MED12L: variants seen among roughly 807,000 people sequenced by gnomAD.
MED12L encodes the protein mediator of RNA polymerase II transcription subunit 12-like protein.
Under a neutral mutation model 281.3 loss-of-function variants are expected in MED12L, and 60 were observed. The observed-to-expected ratio is 0.21, with a 90% confidence interval of 0.17 to 0.26. The LOEUF (loss-of-function observed/expected upper bound fraction) is 0.26. Among genes scored for constraint, MED12L ranks in the 10% least tolerant of loss-of-function variants. The pLI, the probability that MED12L is intolerant of heterozygous loss-of-function variation, is 1.00. For synonymous variants in MED12L, 974 were observed against 987.2 expected (o/e 0.99, Z 0.25); for missense variants, 2,146 against 2,680.9 (o/e 0.80, Z 4.41).
At chr3:151,126,036 A>T (rs998874468) in intron 4 of MED12L, among the ~76,000 whole-genome samples, 1 of 147,884 alleles carries the variant, frequency 6.8e-6, no homozygotes, top group Non-Finnish European at 1.5e-5. Context: ...GTATGTGGAT[A>T]TACTGCATCC....
intron 17 of MED12L, 57 bp from the exon 18 acceptor site, chr3:151,355,064 A>C: frequency 7.7e-7 from 1 of 1,293,288 alleles, no homozygotes; most frequent in South Asian, 1.2e-5. Flanking sequence ...TATCCATTAA[A>C]AATGTCGAGA....
At chr3:151,168,293 A>G (rs1433232188) in intron 11 of MED12L, among the ~76,000 whole-genome samples, 1 of 152,206 alleles carries the variant, frequency 6.6e-6, no homozygotes, top group Non-Finnish European at 1.5e-5. Flanking sequence ...GTCTCTGGAA[A>G]TGAATGTAAT....
Position 151,377,031 on chromosome 3 carries a change from A to C in MED12L, c.4169A>C (p.Asn1390Thr). Residue 1390 changes from asparagine (N) to threonine (T), a missense_variant, in exon 30 of 45, where the codon AAT (asparagine) becomes ACT (threonine). Transcript: ENST00000687756. ...SVAEMNNLLD[N>T]IAKATIEVFQ... ...GCCGAAATGAACAACTTACTGGACA[A>C]TATTGCAAAGGCAACAATAGAGGTA... 3.1e-6 allele frequency: 5 copies of C among 1,614,106 alleles called. No homozygotes were observed. Among genetic ancestry groups the C allele is most frequent in the Non-Finnish European group, 4.2e-6 (5 of 1,179,958 alleles).
At chr3:151,166,684 T>C (rs1194760727) in intron 11 of MED12L, among the ~76,000 whole-genome samples, 2 of 151,820 alleles carry the variant, frequency 1.3e-5, no homozygotes, top group Non-Finnish European at 2.9e-5. Flanking sequence ...CAGTCTTTTT[T>C]TTTTTTTTAA....
At chr3:151,245,905 A>C (rs1322666582) in intron 16 of MED12L, among the ~76,000 whole-genome samples, 2 of 151,678 alleles carry the variant, frequency 1.3e-5, no homozygotes, top group Non-Finnish European at 2.9e-5. Flanking sequence ...TTAAGCTGAT[A>C]AGCAACTTCA....
At chr3:151,393,143 G>A (rs1043551366) in intron 38 of MED12L, among the ~76,000 whole-genome samples, 1 of 152,172 alleles carries the variant, frequency 6.6e-6, no homozygotes, top group Non-Finnish European at 1.5e-5. Context: ...TTGTGCCAAG[G>A]TTGAGGACAT....
rs369215302 is a variant in MED12L at position 151,377,934 on chromosome 3, G to A, written c.4317-78G>A. The A allele has an allele frequency of 1.4e-4, 190 of 1,378,876 alleles. No homozygotes were observed. The East Asian group carries it at 3.1e-3, about 23-fold the overall frequency. 85.4% of individuals were successfully genotyped at this position (1,378,876 alleles called of 1,614,324 possible). A position where few individuals can be genotyped will look rare whatever the true frequency, so the allele number is the denominator to read the frequency against. ...TGTGTGTCTCATACATCAAAGTTTC[G>A]CTTTGGAGTTTCTGTTATAACTGTG... On this transcript the variant is annotated intron_variant, in intron 30 of 44. Coordinates refer to ENST00000687756, the MANE Select transcript of MED12L (RefSeq NM_001393769.1).
chr3:151,168,561 AATT>A (rs796823147), intron 11 of MED12L, among the ~76,000 whole-genome samples: 3 of 152,316 alleles, frequency 2.0e-5, no homozygotes, highest in African/African-American at 7.2e-5. Context: ...ATTTAGCAGT[AATT>A]ATTTTGAATG....
chr3:151,296,757 T>C (rs1745152747), intron 16 of MED12L, among the ~76,000 whole-genome samples: 1 of 152,122 alleles, frequency 6.6e-6, no homozygotes, highest in Non-Finnish European at 1.5e-5. Context: ...ATTCACCTTT[T>C]GGAGGTAAGG....
rs950050997 is a variant in MED12L at position 151,434,277 on chromosome 3, A to G, written c.*1473A>G. On this transcript the variant is annotated 3_prime_UTR_variant, in exon 45 of 45. Coordinates refer to ENST00000687756, the MANE Select transcript of MED12L (RefSeq NM_001393769.1). ...TAGTAGACATTTTCTTTTGCAAATC[A>G]TTATCTATAAATAATTTATATCTTC... is the stretch of plus-strand genomic sequence containing the variant. The G allele has an allele frequency of 3.3e-5, 5 of 152,190 alleles. No homozygotes were observed. The highest frequency in any genetic ancestry group is 1.2e-4 in the African/African-American group (5 of 41,440). 9.4% of individuals were successfully genotyped at this position (152,190 alleles called of 1,614,324 possible).
At position 151,195,986 on chromosome 3, in the gene MED12L, G is replaced by T. The variant is rs114770011; in HGVS notation, c.2250+2320G>T. Reference sequence around the variant, plus strand: ...CTGGTTGAATGGTTGAGGGTTATGTGTTCCTTTCTTGGGTAAACAGAGCTT... The same window carrying T: ...CTGGTTGAATGGTTGAGGGTTATGTTTTCCTTTCTTGGGTAAACAGAGCTT... On this transcript the variant is annotated intron_variant, in intron 16 of 44. Transcript: ENST00000687756. Among the ~76,000 whole-genome samples the T allele has an allele frequency of 5.2e-3, 791 of 152,338 alleles. 9 individuals are homozygous for T. The highest frequency in any genetic ancestry group is 0.018 in the African/African-American group (748 of 41,580).
At chr3:151,285,301 G>T (rs190808979) in intron 16 of MED12L, among the ~76,000 whole-genome samples, 1 of 151,776 alleles carries the variant, frequency 6.6e-6, no homozygotes, top group Non-Finnish European at 1.5e-5. Context: ...TGGCTAACAC[G>T]GTGAAACCCC....
intron 3 of MED12L, among the ~76,000 whole-genome samples, chr3:151,121,362 G>A (rs904271185): frequency 6.6e-6 from 1 of 152,094 alleles, no homozygotes; most frequent in Non-Finnish European, 1.5e-5. Context: ...ATTGTATTAC[G>A]TTAACACACC....
chr3:151,358,514 T>G (rs1754212504), intron 20 of MED12L, among the ~76,000 whole-genome samples: 1 of 152,146 alleles, frequency 6.6e-6, no homozygotes, highest in Non-Finnish European at 1.5e-5. Context: ...AATAGTATAT[T>G]GAAACCCATT....
At chr3:151,160,198 AC>A (rs1268147509) in intron 8 of MED12L, 97 bp downstream of exon 8, 1 of 1,207,680 alleles carries the variant, frequency 8.3e-7, no homozygotes, top group Non-Finnish European at 1.2e-6. Flanking sequence ...ACTTTTTACA[AC>A]TCTAGTTTTT....
intron 16 of MED12L, among the ~76,000 whole-genome samples, chr3:151,236,755 A>G (rs764408458): frequency 6.6e-6 from 1 of 152,240 alleles, no homozygotes; most frequent in Admixed American, 6.5e-5. Flanking sequence ...TGACATAAAT[A>G]TATAAAATTT....
chr3:151,206,481 T>A (rs1376582908), intron 16 of MED12L, among the ~76,000 whole-genome samples: 1 of 152,020 alleles, frequency 6.6e-6, no homozygotes, highest in Non-Finnish European at 1.5e-5. Context: ...GTGTGACTGC[T>A]ATTTGGTCCA....
chr3:151,400,209 A>G (rs765064539), intron 39 of MED12L, among the ~76,000 whole-genome samples: 6 of 152,366 alleles, frequency 3.9e-5, no homozygotes, highest in Middle Eastern at 3.4e-3. Context: ...ACCCAGGAAA[A>G]GAACTTTATG....
intron 16 of MED12L, 142 bp downstream of exon 16, chr3:151,193,808 A>G: frequency 1.5e-6 from 1 of 669,824 alleles, no homozygotes; most frequent in Non-Finnish European, 2.5e-6. Context: ...CTTCTGTTCT[A>G]ATTCTGATCT....
Sources: allele counts gnomAD v4.1 joint callset (sites outside exome capture counted in the v4.1 genomes callset), GRCh38; gene constraint gnomAD v4.1.1; transcripts MANE v1.5; gene names NCBI Gene and HGNC (gene_info 2026-07-23, HGNC 2026-07-21).